Variants in THSD4 observed in about 807,000 individuals in gnomAD.
The protein encoded by THSD4 is thrombospondin type-1 domain-containing protein 4.
A neutral mutation model predicts 119.0 loss-of-function variants in THSD4; 69 were observed. The observed-to-expected ratio is 0.58, with a 90% confidence interval of 0.48 to 0.71. The LOEUF (loss-of-function observed/expected upper bound fraction) is 0.71, where lower values mean the gene tolerates loss of function less well. Among genes scored for constraint, THSD4 ranks in the 30% least tolerant of loss-of-function variants. The probability of loss-of-function intolerance (pLI) is 0.00; values close to 1 mark genes in which losing one functional copy is unlikely to be tolerated. For synonymous variants in THSD4, 524 were observed against 540.4 expected (o/e 0.97, Z 0.42); for missense variants, 1,393 against 1,391.1 (o/e 1.00, Z -0.02).
intron 2 of THSD4, among the ~76,000 whole-genome samples, chr15:71,154,128 G>T (rs554304963): frequency 6.6e-6 from 1 of 152,304 alleles, no homozygotes; most frequent in South Asian, 2.1e-4. Context: ...AATGTTTGAG[G>T]CATGGAAATG....
chr15:71,688,707 CTGTGTGTGTGTGTGTGTG>C (rs55653630), intron 8 of THSD4, among the ~76,000 whole-genome samples: 1 of 133,438 alleles, frequency 7.5e-6, no homozygotes, highest in Non-Finnish European at 1.6e-5. Flanking sequence ...TTTTGTATCT[CTGTGTGTGTGTGTGTGTG>C]TGTGTGTGTG....
intron 7 of THSD4, among the ~76,000 whole-genome samples, chr15:71,532,299 T>A (rs368083840): frequency 0.022 from 2,173 of 99,014 alleles, 61 homozygotes; most frequent in African/African-American, 0.055. Context: ...TGTGTGTGTG[T>A]GTGTGTGTGT....
rs186501899 is a variant in THSD4, at chr15:71,589,454, C to G, written c.1153-71076C>G. Among the ~76,000 whole-genome samples the G allele has an allele frequency of 5.1e-5, 7 of 138,156 alleles. 2 individuals carry two copies. In the South Asian group the frequency reaches 1.2e-3, roughly 23 times the overall value. The allele number at this position is 138,156 out of a possible 152,430, so 90.6% of individuals were successfully genotyped here. On this transcript the variant is annotated intron_variant, in intron 7 of 17. Transcript: ENST00000261862. ...CACTGCATCCTTGCCCTCCTGGGTT[C>G]AAGGGATCCTCCCACTTCAGCCTTC...
chr15:71,390,522 T>C (rs528467682), intron 6 of THSD4, among the ~76,000 whole-genome samples: 11 of 152,354 alleles, frequency 7.2e-5, no homozygotes, highest in East Asian at 1.9e-4. Flanking sequence ...TTGGATCTTG[T>C]ATCTCCCTAT....
At chr15:71,664,783 A>G (rs2051383319) in intron 8 of THSD4, among the ~76,000 whole-genome samples, 1 of 152,134 alleles carries the variant, frequency 6.6e-6, no homozygotes, top group South Asian at 2.1e-4. Context: ...TCTAAGTATA[A>G]TGATCTCCAG....
chr15:71,713,059 GAGGT>G (rs1488614841), intron 8 of THSD4, among the ~76,000 whole-genome samples: 5 of 152,172 alleles, frequency 3.3e-5, no homozygotes, highest in Non-Finnish European at 5.9e-5. Context: ...GATCAATAAC[GAGGT>G]AGCCCAGGCT....
At chr15:71,567,484 A>G (rs1288842732) in intron 7 of THSD4, among the ~76,000 whole-genome samples, 2 of 152,188 alleles carry the variant, frequency 1.3e-5, no homozygotes, top group African/African-American at 4.8e-5. Flanking sequence ...GCAATGAAGC[A>G]AGGAAGCAGG....
chr15:71,496,787 T>C (rs1025404582), intron 7 of THSD4, among the ~76,000 whole-genome samples: 5 of 152,186 alleles, frequency 3.3e-5, no homozygotes, highest in African/African-American at 7.2e-5. Flanking sequence ...ACTCAGTCTC[T>C]ACCATAAGCA....
At chr15:71,555,816 T>C (rs902489657) in intron 7 of THSD4, among the ~76,000 whole-genome samples, 13 of 152,304 alleles carry the variant, frequency 8.5e-5, no homozygotes, top group Non-Finnish European at 1.5e-4. Context: ...ATGGGGTAAA[T>C]AAGGGATCTA....
chr15:71,714,001 G>A (rs894978253), intron 8 of THSD4, among the ~76,000 whole-genome samples: 3 of 152,092 alleles, frequency 2.0e-5, no homozygotes, highest in African/African-American at 7.2e-5. Flanking sequence ...AAGACAAGCA[G>A]ATATGGGGTC....
At chr15:71,738,552 C>T (rs2053173330) in intron 11 of THSD4, among the ~76,000 whole-genome samples, 1 of 152,094 alleles carries the variant, frequency 6.6e-6, no homozygotes, top group South Asian at 2.1e-4. Context: ...GATAGGGATT[C>T]GAGTTAATAA....
intron 1 of THSD4, among the ~76,000 whole-genome samples, chr15:71,137,801 A>C (rs1390212043): frequency 6.6e-6 from 1 of 152,028 alleles, no homozygotes; most frequent in Non-Finnish European, 1.5e-5. Context: ...GCCTCCAATA[A>C]TTTTTTTTGA....
At chr15:71,232,132 C>A (rs2044066359) in intron 4 of THSD4, among the ~76,000 whole-genome samples, 1 of 152,158 alleles carries the variant, frequency 6.6e-6, no homozygotes, top group East Asian at 1.9e-4. Flanking sequence ...ATTTTTCCTC[C>A]CTTTAATTTG....
intron 7 of THSD4, among the ~76,000 whole-genome samples, chr15:71,607,356 C>A (rs531018387): frequency 2.0e-5 from 3 of 152,168 alleles, no homozygotes; most frequent in Non-Finnish European, 4.4e-5. Flanking sequence ...TGACAAGGAG[C>A]CTGAGAGGTG....
intron 6 of THSD4, among the ~76,000 whole-genome samples, chr15:71,389,762 G>A (rs371360911): frequency 6.7e-6 from 1 of 149,238 alleles, no homozygotes; most frequent in African/African-American, 2.5e-5. Flanking sequence ...TATATATAAG[G>A]GTTCCAATTT....
At chr15:71,297,396 C>T (rs975822860) in intron 6 of THSD4, among the ~76,000 whole-genome samples, 2 of 149,532 alleles carry the variant, frequency 1.3e-5, no homozygotes, top group East Asian at 2.0e-4. Context: ...AGTGCAGTGG[C>T]GCAATCTCAG....
At chr15:71,381,784 A>C (rs2046232471) in intron 6 of THSD4, among the ~76,000 whole-genome samples, 1 of 152,184 alleles carries the variant, frequency 6.6e-6, no homozygotes, top group Non-Finnish European at 1.5e-5. Context: ...AATCCCACAC[A>C]ATTTTTGGAA....
rs2053987139 is a variant in THSD4 at position 71,780,840 on chromosome 15, C to T, written c.*3466C>T. 1 of 455,164 alleles carries T rather than the reference C, an allele frequency of 2.2e-6. No homozygotes were observed. The highest frequency in any genetic ancestry group is 4.4e-6 in the Non-Finnish European group (1 of 226,480). 28.2% of individuals were successfully genotyped at this position (455,164 alleles called of 1,614,324 possible). ...ACTCTTTTTGCTTTAAAAAGAATGG[C>T]CTTACAAAGGGACAGAAAAGAGAAG... On this transcript the variant is annotated 3_prime_UTR_variant, in exon 18 of 18. Coordinates refer to ENST00000261862, the MANE Select transcript of THSD4 (RefSeq NM_024817.3).
intron 6 of THSD4, among the ~76,000 whole-genome samples, chr15:71,399,197 T>A (rs2046490833): frequency 6.6e-6 from 1 of 152,132 alleles, no homozygotes; most frequent in African/African-American, 2.4e-5. Context: ...CTCTACCACT[T>A]ACCAACCATG....
Sources: allele counts gnomAD v4.1 joint callset (sites outside exome capture counted in the v4.1 genomes callset), GRCh38; gene constraint gnomAD v4.1.1; transcripts MANE v1.5; gene names NCBI Gene and HGNC (gene_info 2026-07-23, HGNC 2026-07-21).